SP140: variants seen among roughly 807,000 people sequenced by gnomAD.
SP140 encodes nuclear body protein SP140.
SP140 carries 81 observed loss-of-function variants against 125.0 expected under a neutral mutation model. The observed-to-expected ratio is 0.65, with a 90% CI of 0.54 to 0.78. SP140 has a LOEUF of 0.78. SP140 is among the 30% of genes least tolerant of loss of function. The probability of loss-of-function intolerance (pLI) is 0.00; values close to 1 mark genes in which losing one functional copy is unlikely to be tolerated. For synonymous variants in SP140, 312 were observed against 354.0 expected (o/e 0.88, Z 1.33); for missense variants, 858 against 1,037.0 (o/e 0.83, Z 2.37).
rs1206583874 is a variant in SP140 at position 230,312,540 on chromosome 2, A to T, written c.2506-46A>T. On this transcript the variant is annotated intron_variant, in intron 26 of 26. Transcript: ENST00000392045. ...ATTCTCAGTTGAAAGGTGTCTCATG[A>T]CGCTAATGATGAGGAGCATTGTTTT... 3.1e-6 allele frequency: 4 copies of T among 1,291,276 alleles called. No individual in the cohort carries two copies. The Admixed American group carries it at 5.6e-5, about 18-fold the overall frequency. The allele number at this position is 1,291,276 out of a possible 1,614,324, so 80.0% of individuals were successfully genotyped here. A position where few individuals can be genotyped will look rare whatever the true frequency, so the allele number is the denominator to read the frequency against.
chr2:230,254,983 C>T (rs1157856757), intron 11 of SP140, among the ~76,000 whole-genome samples: 4 of 152,108 alleles, frequency 2.6e-5, no homozygotes, highest in Non-Finnish European at 5.9e-5. Context: ...TTCCACTATC[C>T]CAGGAATGCC....
At chr2:230,212,999 T>C (rs1323983964) in intron 1 of SP140, 5 of 1,614,054 alleles carry the variant, frequency 3.1e-6, no homozygotes, top group Non-Finnish European at 4.2e-6. Context: ...TTGGTGTGTC[T>C]CTGCTCTGCC....
chr2:230,200,781 A>C (rs2043100604), upstream of SP140: 1 of 916,148 alleles, frequency 1.1e-6, no homozygotes, highest in East Asian at 2.4e-5. Context: ...CTAGCACAGT[A>C]ATAATGAAAA....
chr2:230,239,150 A>G lies in SP140; in HGVS notation c.406+769A>G, dbSNP rs529967897. On this transcript the variant is annotated intron_variant, in intron 3 of 26. Transcript: ENST00000392045. ...CTATACCTTGATTCAAAAAAGAGGT[A>G]TCTTGTTTTCATATTATGATACATC... 1.6e-5 allele frequency: 14 copies of G among 854,936 alleles called. No individual in the cohort carries two copies. The African/African-American group carries it at 2.4e-4, about 15-fold the overall frequency. 53.0% of individuals were successfully genotyped at this position (854,936 alleles called of 1,614,324 possible).
At chr2:230,209,826 G>A (rs2044273512) in intron 1 of SP140, 2 of 782,718 alleles carry the variant, frequency 2.6e-6, no homozygotes, top group Non-Finnish European at 4.7e-6. Flanking sequence ...TGTGGCATCA[G>A]GACTGTGGTC....
At chr2:230,293,341 A>G (rs1559347322) in intron 20 of SP140, among the ~76,000 whole-genome samples, 1 of 152,096 alleles carries the variant, frequency 6.6e-6, no homozygotes, top group Non-Finnish European at 1.5e-5. Context: ...ATTTTATTTT[A>G]TTTATTTATT....
intron 15 of SP140, among the ~76,000 whole-genome samples, chr2:230,276,516 T>C (rs528663141): frequency 6.6e-6 from 1 of 152,302 alleles, no homozygotes; most frequent in Admixed American, 6.5e-5. Context: ...ACAGTGCACC[T>C]AGTCATCCAG....
Position 230,216,858 on chromosome 2 carries a change from C to T in SP140, c.-91+2784C>T, listed in dbSNP as rs749677712. The T allele has an allele frequency of 5.0e-6, 8 of 1,613,944 alleles. No homozygotes were observed. The highest frequency in any genetic ancestry group is 3.3e-5 in the South Asian group (3 of 91,072). On this transcript the variant is annotated intron_variant, in intron 3 of 4. Coordinates refer to the SP140 transcript ENST00000456542. ...GGAAATGGCTTGTGTATGGCATAGG[C>T]GATCCCCAGCTTCTGGTGCATGAAG... is the stretch of plus-strand genomic sequence containing the variant.
upstream of SP140, chr2:230,201,045 A>G (rs958761518): frequency 9.0e-7 from 1 of 1,110,226 alleles, no homozygotes; most frequent in Non-Finnish European, 1.4e-6. Flanking sequence ...AGGCCCTTGC[A>G]CACTCTGAAG....
chr2:230,217,265 A>AAAG, intron 3 of SP140, among the ~76,000 whole-genome samples: 1 of 151,286 alleles, frequency 6.6e-6, no homozygotes, highest in African/African-American at 2.4e-5. Flanking sequence ...AAAAAAAAAA[A>AAAG]TAGAAGCAAA....
intron 22 of SP140, among the ~76,000 whole-genome samples, chr2:230,302,357 G>A (rs2058364537): frequency 6.6e-6 from 1 of 152,146 alleles, no homozygotes. Flanking sequence ...TTGCACCACT[G>A]TACTCCAGCC....
At chr2:230,224,515 CAG>C (rs879416639), upstream of SP140, among the ~76,000 whole-genome samples, 228 of 138,842 alleles carry the variant, frequency 1.6e-3, no homozygotes, top group Middle Eastern at 3.9e-3. Context: ...AGAGAGAGGA[CAG>C]AGAGAGAGAG....
intron 15 of SP140, among the ~76,000 whole-genome samples, chr2:230,273,138 A>G (rs1009952441): frequency 1.3e-5 from 2 of 152,242 alleles, no homozygotes; most frequent in African/African-American, 4.8e-5. Context: ...AAAAGAAGCT[A>G]TCATCAGAGT....
upstream of SP140, among the ~76,000 whole-genome samples, chr2:230,201,335 T>G (rs58596830): frequency 0.027 from 4,160 of 152,296 alleles, 191 homozygotes; most frequent in African/African-American, 0.095. Context: ...ATGATGTTAT[T>G]TGCCTTTTTC....
upstream of SP140, chr2:230,200,913 C>T (rs200621430): frequency 2.8e-5 from 45 of 1,613,604 alleles, no homozygotes; most frequent in Middle Eastern, 4.9e-4. Flanking sequence ...GTGTACTAGG[C>T]GTCTTCTGGG....
intron 1 of SP140, among the ~76,000 whole-genome samples, chr2:230,209,719 T>C (rs1465994446): frequency 6.6e-6 from 1 of 152,222 alleles, no homozygotes; most frequent in South Asian, 2.1e-4. Context: ...TCCAATGGCA[T>C]ATTTCAATAC....
At chr2:230,191,900 A>G in the SP140 span, among the ~76,000 whole-genome samples, 4 of 152,182 alleles carry the variant, frequency 2.6e-5, no homozygotes, top group Non-Finnish European at 5.9e-5. Flanking sequence ...AATAATGGCA[A>G]GCCAAATCCA....
At chr2:230,306,749 G>C (rs568067324) in intron 22 of SP140, among the ~76,000 whole-genome samples, 1 of 152,374 alleles carries the variant, frequency 6.6e-6, no homozygotes, top group East Asian at 1.9e-4. Flanking sequence ...ACGATCATAG[G>C]AGAGAGGCCA....
intron 12 of SP140, among the ~76,000 whole-genome samples, chr2:230,256,108 A>G (rs906330659): frequency 3.3e-5 from 5 of 152,232 alleles, no homozygotes; most frequent in Non-Finnish European, 7.3e-5. Context: ...TGTGGAAGTC[A>G]GTGTGGTGAT....
Sources: gnomAD v4.1 joint callset for allele counts (sites outside exome capture counted in the v4.1 genomes callset) on GRCh38, gnomAD v4.1.1 for gene constraint, MANE v1.5 for transcripts, NCBI Gene and HGNC (gene_info 2026-07-23, HGNC 2026-07-21) for gene names.